The following MAGI1 variants were observed in gnomAD, a reference collection of about 807,000 sequenced individuals.
The protein encoded by MAGI1 is membrane associated guanylate kinase, WW and PDZ domain containing 1.
In MAGI1, 58 loss-of-function variants were observed where a neutral mutation model predicts 139.9. The observed-to-expected ratio is 0.41, with a 90% CI of 0.34 to 0.52. The LOEUF (loss-of-function observed/expected upper bound fraction) is 0.52. MAGI1 is among the 20% of genes least tolerant of loss of function. The probability of loss-of-function intolerance (pLI) is 0.12; values close to 1 mark genes in which losing one functional copy is unlikely to be tolerated. For synonymous variants in MAGI1, 812 were observed against 737.9 expected, an observed-to-expected ratio of 1.10 and a Z score of -1.63; for missense variants, 1,874 against 1,901.6, an observed-to-expected ratio of 0.99 and a Z score of 0.27.
intron 13 of MAGI1, among the ~76,000 whole-genome samples, chr3:65,396,526 C>T (rs1944407086): frequency 2.6e-5 from 4 of 152,216 alleles, no homozygotes; most frequent in Admixed American, 2.6e-4. Flanking sequence ...ATCAGTATTT[C>T]CCAGAATGAT....
chr3:65,768,337 T>C (rs887784955), intron 1 of MAGI1, among the ~76,000 whole-genome samples: 3 of 152,172 alleles, frequency 2.0e-5, no homozygotes, highest in African/African-American at 7.2e-5. Context: ...GGAGAATTAC[T>C]TGAACCCGGA....
intron 1 of MAGI1, among the ~76,000 whole-genome samples, chr3:66,035,332 G>T (rs2068857528): frequency 6.6e-6 from 1 of 152,192 alleles, no homozygotes; most frequent in South Asian, 2.1e-4. Flanking sequence ...AGTGATCTGT[G>T]TCCCTGGAAG....
intron 1 of MAGI1, among the ~76,000 whole-genome samples, chr3:65,699,455 T>C (rs201175766): frequency 0.4 from 54,394 of 137,170 alleles, 11,186 homozygotes; most frequent in African/African-American, 0.52. Context: ...TTATTCACAA[T>C]AGCAAAGACT....
At chr3:65,795,889 A>G (rs931183741) in intron 1 of MAGI1, among the ~76,000 whole-genome samples, 3 of 151,886 alleles carry the variant, frequency 2.0e-5, no homozygotes, top group African/African-American at 7.3e-5. Flanking sequence ...CGTCTCTACT[A>G]AAAACACAAA....
At chr3:65,481,520 C>G (rs987901865) in intron 3 of MAGI1, among the ~76,000 whole-genome samples, 1 of 152,116 alleles carries the variant, frequency 6.6e-6, no homozygotes, top group African/African-American at 2.4e-5. Context: ...AATTTTCATT[C>G]CTTAATCATT....
At chr3:65,934,139 CA>C (rs2062936016) in intron 1 of MAGI1, among the ~76,000 whole-genome samples, 1 of 151,996 alleles carries the variant, frequency 6.6e-6, no homozygotes, top group Non-Finnish European at 1.5e-5. Flanking sequence ...AAAACAAAAA[CA>C]AAAACAAATC....
rs551586632 is a variant in MAGI1 at position 65,543,381 on chromosome 3, C to T, written c.431-49750G>A. Among the ~76,000 whole-genome samples, 4 of 152,200 alleles carry T rather than the reference C, an allele frequency of 2.6e-5. No individual in the cohort carries two copies. In the East Asian group the frequency reaches 7.7e-4, roughly 29 times the overall value. On this transcript the variant is annotated intron_variant, in intron 2 of 22. Coordinates refer to ENST00000402939, the MANE Select transcript of MAGI1 (RefSeq NM_001033057.2). ...ATCTAGAGCCAGAAATACCACTTGACCCAGCAATGTTATTACTGGGTATAT... is the reference window on the plus strand; with the variant it reads ...ATCTAGAGCCAGAAATACCACTTGATCCAGCAATGTTATTACTGGGTATAT...
chr3:65,551,299 CTT>C (rs536768807), intron 2 of MAGI1, among the ~76,000 whole-genome samples: 168 of 152,220 alleles, frequency 1.1e-3, no homozygotes, highest in African/African-American at 3.9e-3. Context: ...AACCACTTTC[CTT>C]TTTTATTTTT....
At position 65,429,861 on chromosome 3, in the gene MAGI1, C is replaced by G; in HGVS notation, c.1826G>C (p.Arg609Thr). The change falls in exon 12 of 23, where the codon AGG (arginine) becomes ACG (threonine). Residue 609 changes from arginine (R) to threonine (T), a missense_variant. Coordinates refer to ENST00000402939, the MANE Select transcript of MAGI1 (RefSeq NM_001033057.2). ...TGKVNGMKDA[R>T]PSSPADVASN... is the part of the protein sequence containing the mutation. ...AGCCACGTCCGCTGGGCTGCTTGGC[C>G]TGGCATCCTTCATGCCATTGACTTT... The G allele has an allele frequency of 6.2e-7, 1 of 1,614,032 alleles. No individual in the cohort carries two copies. Among genetic ancestry groups the G allele is most frequent in the Non-Finnish European group, 8.5e-7 (1 of 1,179,966 alleles).
intron 1 of MAGI1, among the ~76,000 whole-genome samples, chr3:65,801,481 T>C (rs2040509635): frequency 6.6e-6 from 1 of 152,118 alleles, no homozygotes; most frequent in South Asian, 2.1e-4. Context: ...ATAACCGTAC[T>C]TGGATCACTT....
intron 22 of MAGI1, chr3:65,360,723 G>T: frequency 1.0e-6 from 1 of 1,004,872 alleles, no homozygotes; most frequent in Non-Finnish European, 1.2e-6. Flanking sequence ...CATAAGGGAG[G>T]TTAGCAAAGC....
chr3:65,661,745 G>GTTTTTTTTTTTTTTTTTT lies in MAGI1; in HGVS notation c.314-39675_314-39658dup, dbSNP rs11369893. Among the ~76,000 whole-genome samples, 14 of 93,920 alleles carry GTTTTTTTTTTTTTTTTTT rather than the reference G, an allele frequency of 1.5e-4. 1 individual carries two copies. The highest frequency in any genetic ancestry group is 1.6e-4 in the Non-Finnish European group (8 of 51,024). 61.6% of individuals were successfully genotyped at this position (93,920 alleles called of 152,430 possible). A position where few individuals can be genotyped will look rare whatever the true frequency, so the allele number is the denominator to read the frequency against. On this transcript the variant is annotated intron_variant, in intron 1 of 22. Transcript: ENST00000402939. Reference sequence around the variant, plus strand: ...TTTTTTTGTTGTTTTGTTTTTTTCTGTTTTTTTTTTTTTTTTTTTTGAGAT... The same window carrying GTTTTTTTTTTTTTTTTTT: ...TTTTTTTGTTGTTTTGTTTTTTTCTGTTTTTTTTTTTTTTTTTTTTTTTTTTTTTTTTTTTTTTGAGAT...
At chr3:65,757,078 T>TA (rs11437602) in intron 1 of MAGI1, among the ~76,000 whole-genome samples, 38,132 of 152,042 alleles carry the variant, frequency 0.25, 5,641 homozygotes, top group East Asian at 0.48. Flanking sequence ...GGGAGGTTTA[T>TA]AAAATCACTC....
intron 1 of MAGI1, among the ~76,000 whole-genome samples, chr3:65,708,722 A>T (rs1004381845): frequency 6.6e-6 from 1 of 152,188 alleles, no homozygotes; most frequent in African/African-American, 2.4e-5. Flanking sequence ...AAACGGGGGA[A>T]GGACAGAGAA....
chr3:65,456,717 G>A (rs1638469887), intron 5 of MAGI1, among the ~76,000 whole-genome samples: 1 of 152,102 alleles, frequency 6.6e-6, no homozygotes, highest in African/African-American at 2.4e-5. Context: ...GGTTTAGGTG[G>A]AGGTTAGCTT....
At chr3:65,378,186 T>A in intron 17 of MAGI1, among the ~76,000 whole-genome samples, 1 of 152,212 alleles carries the variant, frequency 6.6e-6, no homozygotes, top group East Asian at 1.9e-4. Context: ...AGCAGATTCA[T>A]ATATCACTAG....
intron 2 of MAGI1, among the ~76,000 whole-genome samples, chr3:65,551,769 G>C (rs2079846871): frequency 6.6e-6 from 1 of 152,230 alleles, no homozygotes; most frequent in East Asian, 1.9e-4. Flanking sequence ...TCCACACTAA[G>C]CATCTGAAAC....
intron 1 of MAGI1, among the ~76,000 whole-genome samples, chr3:65,967,344 G>A (rs1190432245): frequency 6.6e-6 from 1 of 152,156 alleles, no homozygotes; most frequent in East Asian, 1.9e-4. Context: ...AACATCGGGA[G>A]GAGAGCAAGG....
intron 3 of MAGI1, among the ~76,000 whole-genome samples, chr3:65,492,348 G>A (rs773855191): frequency 6.6e-6 from 1 of 152,244 alleles, no homozygotes; most frequent in African/African-American, 2.4e-5. Flanking sequence ...CTATGGATAT[G>A]TTTGCACCTG....
Sources: gnomAD v4.1 joint callset for allele counts (sites outside exome capture counted in the v4.1 genomes callset) on GRCh38, gnomAD v4.1.1 for gene constraint, MANE v1.5 for transcripts, NCBI Gene and HGNC (gene_info 2026-07-23, HGNC 2026-07-21) for gene names.